The following ENPP3 variants were observed in gnomAD, a reference collection of about 807,000 sequenced individuals.
The protein encoded by ENPP3 is ectonucleotide pyrophosphatase/phosphodiesterase family member 3.
A neutral mutation model predicts 117.8 loss-of-function variants in ENPP3; 104 were observed. The ratio of observed to expected loss-of-function variants is 0.88; its 90% CI spans 0.75 to 1.04. The LOEUF (loss-of-function observed/expected upper bound fraction) is 1.04. ENPP3 is among the 50% of genes least tolerant of loss of function. ENPP3 has a pLI of 0.00. For synonymous variants in ENPP3, 380 were observed against 349.9 expected, an observed-to-expected ratio of 1.09 and a Z score of -0.96; for missense variants, 1,026 against 1,051.9, an observed-to-expected ratio of 0.98 and a Z score of 0.34.
At chr6:131,725,392 C>T (rs759056812) in intron 19 of ENPP3, among the ~76,000 whole-genome samples, 1 of 152,062 alleles carries the variant, frequency 6.6e-6, no homozygotes, top group Non-Finnish European at 1.5e-5. Flanking sequence ...TGGCCTGATT[C>T]CTCATAAAGG....
intron 15 of ENPP3, among the ~76,000 whole-genome samples, chr6:131,698,308 T>C (rs1381223751): frequency 6.9e-6 from 1 of 144,652 alleles, no homozygotes; most frequent in Non-Finnish European, 1.5e-5. Context: ...TGAGTTCAGC[T>C]CCTTTCGGGA....
At chr6:131,688,915 A>AT (rs1419324117) in intron 14 of ENPP3, among the ~76,000 whole-genome samples, 1 of 151,476 alleles carries the variant, frequency 6.6e-6, no homozygotes, top group African/African-American at 2.4e-5. Context: ...AAAAAAAAAA[A>AT]AATAGCCAGG....
At chr6:131,649,933 T>C (rs1296020352) in intron 2 of ENPP3, 94 bp from the exon 3 acceptor site, 8 of 1,313,280 alleles carry the variant, frequency 6.1e-6, no homozygotes, top group Non-Finnish European at 8.7e-6. Context: ...TCTGTCATAG[T>C]CTGTGCTGTG....
At chr6:131,742,489 C>G (rs1200924277) in intron 24 of ENPP3, among the ~76,000 whole-genome samples, 1 of 151,976 alleles carries the variant, frequency 6.6e-6, no homozygotes, top group Non-Finnish European at 1.5e-5. Context: ...GATTTGTGGT[C>G]TCCTCTCCTC....
intron 15 of ENPP3, 43 bp downstream of exon 15, chr6:131,693,667 C>A: frequency 1.3e-6 from 2 of 1,577,806 alleles, no homozygotes; most frequent in Non-Finnish European, 1.7e-6. Flanking sequence ...CTTTAATAAC[C>A]ATTTGTCATT....
chr6:131,649,354 G>A (rs1337381914), intron 2 of ENPP3, among the ~76,000 whole-genome samples: 2 of 152,006 alleles, frequency 1.3e-5, no homozygotes, highest in East Asian at 1.9e-4. Context: ...AACTTTCCTC[G>A]CTCTAGTCCA....
At chr6:131,746,314 G>A (rs989460537) in intron 24 of ENPP3, among the ~76,000 whole-genome samples, 1 of 151,938 alleles carries the variant, frequency 6.6e-6, no homozygotes, top group Non-Finnish European at 1.5e-5. Context: ...ACAAGACCTA[G>A]ATATATCACT....
chr6:131,652,540 A>G lies in ENPP3; in HGVS notation c.278-2A>G, dbSNP rs563805346. ...TCAGAACTGAATTGTATCGTTTTACAGCTCGAATATGGATGTGCAATAAAT... is the reference window on the plus strand; with the variant it reads ...TCAGAACTGAATTGTATCGTTTTACGGCTCGAATATGGATGTGCAATAAAT... On this transcript the variant is annotated splice_acceptor_variant, in intron 3 of 24. Transcript: ENST00000357639. LOFTEE classifies it high-confidence loss of function. 238 of 1,613,996 alleles carry G rather than the reference A, an allele frequency of 1.5e-4. 1 individual carries two copies. The South Asian group carries it at 2.5e-3, about 17-fold the overall frequency.
rs1585654410 is a variant in ENPP3 at position 131,677,919 on chromosome 6, A to G, written c.990A>G (p.Ala330=). Residue 330 remains alanine (A), a synonymous_variant, in exon 11 of 25, where the codon GCA becomes GCG. Transcript: ENST00000357639. ...AAGAACCTGATTCCTCTGGACATGCAGGTGGACCAGTCAGTGCCAGAGTAA... is the reference window on the plus strand; with the variant it reads ...AAGAACCTGATTCCTCTGGACATGCGGGTGGACCAGTCAGTGCCAGAGTAA... ...YFEEPDSSGH[A]GGPVSARVIK... is the part of the protein sequence containing the mutation. The G allele has an allele frequency of 1.2e-6, 2 of 1,610,026 alleles. No homozygotes were observed. Among genetic ancestry groups the G allele is most frequent in the South Asian group, 1.1e-5 (1 of 90,914 alleles).
intron 5 of ENPP3, among the ~76,000 whole-genome samples, chr6:131,653,353 G>T (rs1427311189): frequency 1.7e-4 from 22 of 128,530 alleles, no homozygotes; most frequent in African/African-American, 5.9e-4. Context: ...TCACTAGGTT[G>T]CCCAGGCTGC....
chr6:131,688,610 T>A (rs1195497524), intron 14 of ENPP3, among the ~76,000 whole-genome samples: 2 of 152,026 alleles, frequency 1.3e-5, no homozygotes, highest in Non-Finnish European at 2.9e-5. Context: ...GGATAGAAAA[T>A]CAACTAGCCA....
At chr6:131,658,556 G>T in intron 6 of ENPP3, 136 bp downstream of exon 6, 1 of 560,004 alleles carries the variant, frequency 1.8e-6, no homozygotes, top group Non-Finnish European at 3.1e-6. Flanking sequence ...TTTACCACAT[G>T]GTTTCTACTT....
intron 1 of ENPP3, among the ~76,000 whole-genome samples, chr6:131,641,108 C>A (rs1011651524): frequency 1.3e-5 from 2 of 151,862 alleles, no homozygotes; most frequent in African/African-American, 4.8e-5. Flanking sequence ...AAATGGGTGC[C>A]TGGTTTAAAA....
intron 15 of ENPP3, among the ~76,000 whole-genome samples, chr6:131,697,376 A>G (rs1273189409): frequency 8.6e-6 from 1 of 115,628 alleles, no homozygotes; most frequent in Non-Finnish European, 1.6e-5. Context: ...GTGGTCCCCA[A>G]CCCTTTTGGC....
intron 14 of ENPP3, among the ~76,000 whole-genome samples, chr6:131,690,209 T>G (rs773420309): frequency 5.3e-5 from 8 of 152,192 alleles, no homozygotes; most frequent in Non-Finnish European, 1.2e-4. Flanking sequence ...TTGAAAGAAG[T>G]TCTACTGTGG....
At chr6:131,672,986 T>A (rs1372957297) in intron 7 of ENPP3, among the ~76,000 whole-genome samples, 2 of 152,128 alleles carry the variant, frequency 1.3e-5, no homozygotes, top group East Asian at 3.8e-4. Context: ...TTAGCCAGGA[T>A]ATTTGATATA....
intron 15 of ENPP3, among the ~76,000 whole-genome samples, chr6:131,715,446 G>C (rs1217363244): frequency 7.6e-6 from 1 of 132,230 alleles, no homozygotes; most frequent in Non-Finnish European, 1.5e-5. Flanking sequence ...CAGGGATTCA[G>C]AGTGCCCATC....
chr6:131,677,791 A>T, intron 10 of ENPP3, 77 bp from the exon 11 acceptor site: 1 of 945,540 alleles, frequency 1.1e-6, no homozygotes. Flanking sequence ...CAAGCCCAAG[A>T]TCTACAAAAT....
chr6:131,646,178 G>C lies in ENPP3; in HGVS notation c.155-3849G>C, dbSNP rs187705082. Among the ~76,000 whole-genome samples the C allele has an allele frequency of 1.3e-3, 190 of 151,880 alleles. 1 individual carries two copies. The highest frequency in any genetic ancestry group is 4.3e-3 in the African/African-American group (176 of 41,386). Reference sequence around the variant, plus strand: ...ACTTCCCTCATATTTTTACTTACAAGACCACCCTGAATGTGGGGTCTTTTA... The same window carrying C: ...ACTTCCCTCATATTTTTACTTACAACACCACCCTGAATGTGGGGTCTTTTA... On this transcript the variant is annotated intron_variant, in intron 2 of 24. Transcript: ENST00000357639.
Sources: allele counts gnomAD v4.1 joint callset (sites outside exome capture counted in the v4.1 genomes callset), GRCh38; gene constraint gnomAD v4.1.1; transcripts MANE v1.5; gene names NCBI Gene and HGNC (gene_info 2026-07-23, HGNC 2026-07-21).